Variants in MGST1 observed in about 807,000 individuals in gnomAD.
MGST1 encodes microsomal glutathione S-transferase 1, also known as glutathione S-transferase 12.
Under a neutral mutation model 8.9 loss-of-function variants are expected in MGST1, and 5 were observed. The observed-to-expected ratio is 0.56, with a 90% CI of 0.29 to 1.19. MGST1 has a LOEUF of 1.19. MGST1 is among the 50% of genes most tolerant of loss of function. The pLI, the probability that MGST1 is intolerant of heterozygous loss-of-function variation, is 0.08. For missense variants in MGST1, 182 were observed against 187.4 expected (o/e 0.97, Z 0.17); for synonymous variants, 54 against 67.8 (o/e 0.80, Z 1.00).
intron 4 of MGST1, among the ~76,000 whole-genome samples, chr12:16,467,874 G>T (rs1337496854): frequency 6.6e-6 from 1 of 152,116 alleles, no homozygotes; most frequent in Non-Finnish European, 1.5e-5. Context: ...TACTTAAGTA[G>T]TCTTAGAGAA....
downstream of MGST1, among the ~76,000 whole-genome samples, chr12:16,367,115 A>C (rs147650503): frequency 9.1e-3 from 1,389 of 152,310 alleles, 11 homozygotes; most frequent in Non-Finnish European, 0.012. Context: ...TTTTTGAAAT[A>C]TTCTGTGACT....
At chr12:16,543,473 T>C (rs1941803917) in intron 4 of MGST1, among the ~76,000 whole-genome samples, 1 of 152,116 alleles carries the variant, frequency 6.6e-6, no homozygotes, top group Non-Finnish European at 1.5e-5. Context: ...GTCTACCTAA[T>C]GGAGCATAAA....
At chr12:16,460,488 T>C (rs929989331) in intron 4 of MGST1, among the ~76,000 whole-genome samples, 6 of 152,130 alleles carry the variant, frequency 3.9e-5, no homozygotes, top group African/African-American at 7.2e-5. Context: ...TTAAAGATTT[T>C]GGTTCCCCTT....
intron 4 of MGST1, among the ~76,000 whole-genome samples, chr12:16,541,585 C>A (rs1313796160): frequency 6.6e-6 from 1 of 152,076 alleles, no homozygotes; most frequent in African/African-American, 2.4e-5. Flanking sequence ...GAAATACTAA[C>A]TTTACATTAA....
At chr12:16,352,523 C>A (rs1181446165) in intron 1 of MGST1, among the ~76,000 whole-genome samples, 1 of 152,142 alleles carries the variant, frequency 6.6e-6, no homozygotes, top group Non-Finnish European at 1.5e-5. Context: ...AAGTAGATAG[C>A]AGGGCTGATA....
chr12:16,392,327 C>A (rs573404830), intron 1 of MGST1, among the ~76,000 whole-genome samples: 2 of 152,274 alleles, frequency 1.3e-5, no homozygotes, highest in African/African-American at 4.8e-5. Flanking sequence ...CAAGATAATT[C>A]TTTCCACTAG....
intron 4 of MGST1, among the ~76,000 whole-genome samples, chr12:16,506,486 A>G (rs1228944239): frequency 6.6e-6 from 1 of 152,144 alleles, no homozygotes. Flanking sequence ...CCTGAGAGAC[A>G]TATAGAGAAT....
intron 3 of MGST1, among the ~76,000 whole-genome samples, chr12:16,360,123 C>T (rs1170118744): frequency 6.6e-6 from 1 of 152,156 alleles, no homozygotes; most frequent in African/African-American, 2.4e-5. Context: ...GAGAGAAGAG[C>T]GTCTCCAACA....
At chr12:16,382,303 C>T (rs1940464140), upstream of MGST1, among the ~76,000 whole-genome samples, 1 of 152,128 alleles carries the variant, frequency 6.6e-6, no homozygotes, top group South Asian at 2.1e-4. Context: ...TGGTGACATA[C>T]AGATGGGTTT....
chr12:16,524,158 G>A (rs140638161), intron 4 of MGST1, among the ~76,000 whole-genome samples: 41 of 152,118 alleles, frequency 2.7e-4, no homozygotes, highest in African/African-American at 8.7e-4. Flanking sequence ...AGATGAGAAT[G>A]AGTCAGCATT....
chr12:16,575,977 T>C (rs1268887926), intron 4 of MGST1, among the ~76,000 whole-genome samples: 1 of 151,976 alleles, frequency 6.6e-6, no homozygotes, highest in Non-Finnish European at 1.5e-5. Context: ...GTCTTGAACT[T>C]AACTTTGAAT....
chr12:16,381,106 G>C (rs184693176), downstream of MGST1, among the ~76,000 whole-genome samples: 47 of 152,302 alleles, frequency 3.1e-4, no homozygotes, highest in African/African-American at 1.0e-3. Context: ...TTGCCGGTCT[G>C]TGTCTTTTAA....
Position 16,503,602 on chromosome 12 carries a change from A to T in MGST1, n.483-85926A>T, listed in dbSNP as rs1401577238. ...ACATCCTCTTTAGACAGGAGGCAGG[A>T]CTTAATTCTGGAGGTAGGGCTTGAA... On this transcript the variant is annotated intron_variant and non_coding_transcript_variant, in intron 4 of 4. Transcript: ENST00000538857. The surrounding 1 kb of genome is among the most constrained non-coding windows in gnomAD (Gnocchi z 4.8). Among the ~76,000 whole-genome samples the T allele has an allele frequency of 1.3e-5, 2 of 152,224 alleles. No individual in the cohort carries two copies. The highest frequency in any genetic ancestry group is 3.4e-3 in the Middle Eastern group (1 of 294).
chr12:16,496,670 C>T (rs1941472548), intron 4 of MGST1, among the ~76,000 whole-genome samples: 1 of 152,008 alleles, frequency 6.6e-6, no homozygotes, highest in African/African-American at 2.4e-5. Flanking sequence ...CTATTGTCAT[C>T]TTTATGTCTA....
At chr12:16,479,828 A>T (rs967927717) in intron 4 of MGST1, among the ~76,000 whole-genome samples, 1 of 152,042 alleles carries the variant, frequency 6.6e-6, no homozygotes, top group Non-Finnish European at 1.5e-5. Flanking sequence ...GAGCCACTGC[A>T]CCTGTATCTT....
chr12:16,432,721 CACACACACACAG>C lies in MGST1; in HGVS notation n.779-4665_779-4654del, dbSNP rs1288559196. Among the ~76,000 whole-genome samples, 322 of 131,078 alleles carry C rather than the reference CACACACACACAG, an allele frequency of 2.5e-3. 1 individual carries two copies. The highest frequency in any genetic ancestry group is 7.7e-3 in the African/African-American group (232 of 30,186). The allele number at this position is 131,078 out of a possible 152,430, so 86.0% of individuals were successfully genotyped here. ...ACACACACACACACACACACACACA[CACACACACACAG>C]AGAGAGAGAATATTGTCAGAGTTCT... On this transcript the variant is annotated intron_variant and non_coding_transcript_variant, in intron 1 of 1. Transcript: ENST00000359720.
chr12:16,363,943 C>G lies in MGST1; in HGVS notation c.370C>G (p.Pro124Ala), dbSNP rs375553015. ...RIYHTIAYLT[P>A]LPQPNRALSF... ...CTACCACACCATTGCATATTTGACA[C>G]CCCTTCCCCAGCCAAATAGAGCTTT... is the stretch of plus-strand genomic sequence containing the variant. Residue 124 changes from proline (P) to alanine (A), a missense_variant, in exon 4 of 4, where the codon CCC (proline) becomes GCC (alanine). Coordinates refer to ENST00000396210, the MANE Select transcript of MGST1 (RefSeq NM_020300.5). The surrounding 1 kb of genome is among the most constrained non-coding windows in gnomAD (Gnocchi z 4.6). The G allele has an allele frequency of 1.9e-6, 3 of 1,613,806 alleles. No homozygotes were observed.
Position 16,401,167 on chromosome 12 carries a change from G to T in MGST1, n.778+17563G>T. The T allele has an allele frequency of 1.9e-6, 3 of 1,559,190 alleles. No individual in the cohort carries two copies. The highest frequency in any genetic ancestry group is 2.7e-6 in the Non-Finnish European group (3 of 1,131,706). On this transcript the variant is annotated intron_variant and non_coding_transcript_variant, in intron 1 of 1. Coordinates refer to the MGST1 transcript ENST00000359720. The surrounding 1 kb of genome is among the most constrained non-coding windows in gnomAD (Gnocchi z 4.3). ...ATTCTTCACTTTCTTCTTCACAGAA[G>T]TGAGAACAGTAGCTGGGCCATCCTC...
Position 16,364,292 on chromosome 12 carries a change from T to TA in MGST1, c.*252dup. The TA allele has an allele frequency of 8.7e-7, 1 of 1,154,682 alleles. No individual in the cohort carries two copies. 71.5% of individuals were successfully genotyped at this position (1,154,682 alleles called of 1,614,324 possible). A position where few individuals can be genotyped will look rare whatever the true frequency, so the allele number is the denominator to read the frequency against. On this transcript the variant is annotated 3_prime_UTR_variant, in exon 4 of 4. Coordinates refer to ENST00000396210, the MANE Select transcript of MGST1 (RefSeq NM_020300.5). This position sits in a 1 kb window ranked among gnomAD's most constrained non-coding sequence, Gnocchi z 5.7. ...ACTTTCTTATAAATTTGGATCATGT[T>TA]ATGATTTGTAACATTCACACAACAC...
Sources: allele counts gnomAD v4.1 joint callset (sites outside exome capture counted in the v4.1 genomes callset), GRCh38; gene constraint gnomAD v4.1.1; non-coding constraint Gnocchi (gnomAD v3.1); transcripts MANE v1.5; gene names NCBI Gene and HGNC (gene_info 2026-07-23, HGNC 2026-07-21).